LY6G5B: variants seen among roughly 807,000 people sequenced by gnomAD.
LY6G5B encodes the protein lymphocyte antigen 6 complex locus protein G5b.
Under a neutral mutation model 6.7 loss-of-function variants are expected in LY6G5B, and 6 were observed. That is an observed-to-expected ratio of 0.89 (90% confidence interval 0.49 to 1.76). LY6G5B has a LOEUF of 1.76. LY6G5B is among the 40% of genes most tolerant of loss of function. LY6G5B has a pLI of 0.01. For synonymous variants in LY6G5B, 98 were observed against 99.4 expected, an observed-to-expected ratio of 0.99 and a Z score of 0.09; for missense variants, 240 against 249.5, an observed-to-expected ratio of 0.96 and a Z score of 0.26.
chr6:31,670,832 A>G, exon 1 of LY6G5B: 1 of 1,001,640 alleles, frequency 1.0e-6, no homozygotes, highest in Non-Finnish European at 1.5e-6. Flanking sequence ...CATTTACAGC[A>G]GCTCCTGCTC....
At chr6:31,671,962 G>T in exon 3 of LY6G5B, 2 of 1,613,046 alleles carry the variant, frequency 1.2e-6, no homozygotes, top group Non-Finnish European at 1.7e-6. Context: ...CTGGTATCAG[G>T]CCCAGTGCTG....
rs761707436 is a variant in LY6G5B, at chr6:31,671,154, A to T, written c.59-2A>T. The T allele has an allele frequency of 6.2e-7, 1 of 1,613,894 alleles. No individual in the cohort carries two copies. The highest frequency in any genetic ancestry group is 8.5e-7 in the Non-Finnish European group (1 of 1,179,984). Reference sequence around the variant, plus strand: ...CCTCCATCCCTCCTTCTGCCTCCCCAGTTCCTGTTCCCGACATCCGGACGT... The same window carrying T: ...CCTCCATCCCTCCTTCTGCCTCCCCTGTTCCTGTTCCCGACATCCGGACGT... On this transcript the variant is annotated splice_acceptor_variant, in intron 1 of 2. Coordinates refer to ENST00000375864, the Ensembl canonical transcript of LY6G5B. LOFTEE classifies it high-confidence loss of function.
chr6:31,671,382 G>A, intron 2 of LY6G5B, 98 bp downstream of exon 2: 1 of 1,556,710 alleles, frequency 6.4e-7, no homozygotes, highest in Non-Finnish European at 8.7e-7. Context: ...TGGGGTACAA[G>A]AAGAGAGGAG....
At chr6:31,671,715 G>A (rs1204910681) in intron 2 of LY6G5B, 149 bp from the exon 3 acceptor site, 4 of 901,898 alleles carry the variant, frequency 4.4e-6, no homozygotes, top group African/African-American at 3.3e-5. Context: ...GTTCTAGGGG[G>A]CCAGCAGAGC....
Position 31,672,382 on chromosome 6 carries a change from C to G in LY6G5B, c.*100C>G, listed in dbSNP as rs1583622469. On this transcript the variant is annotated 3_prime_UTR_variant, in exon 3 of 3. Coordinates refer to ENST00000375864, the Ensembl canonical transcript of LY6G5B. ...TTGGTCACTGTGATTTCTTAGGCCT[C>G]CGTCTGTTGTACCACTAGCATCTAT... 20 of 1,272,282 alleles carry G rather than the reference C, an allele frequency of 1.6e-5. 1 individual carries two copies. Among genetic ancestry groups the G allele is most frequent in the African/African-American group, 1.3e-4 (9 of 67,032 alleles). The allele number at this position is 1,272,282 out of a possible 1,614,324, so 78.8% of individuals were successfully genotyped here.
chr6:31,672,712 G>C (rs566903392), exon 3 of LY6G5B: 1 of 177,842 alleles, frequency 5.6e-6, no homozygotes, highest in Non-Finnish European at 1.2e-5. Context: ...CCAAAGTGCC[G>C]GGATTACAGG....
At chr6:31,671,719 G>T in intron 2 of LY6G5B, 145 bp from the exon 3 acceptor site, 1 of 956,544 alleles carries the variant, frequency 1.0e-6, no homozygotes, top group Non-Finnish European at 1.5e-6. Flanking sequence ...TAGGGGGCCA[G>T]CAGAGCTCAC....
chr6:31,670,282 T>G lies in LY6G5B; in HGVS notation c.-669T>G, dbSNP rs1488150079. 1 of 272,478 alleles carries G rather than the reference T, an allele frequency of 3.7e-6. No homozygotes were observed. Among genetic ancestry groups the G allele is most frequent in the Non-Finnish European group, 6.9e-6 (1 of 145,236 alleles). The allele number at this position is 272,478 out of a possible 1,614,324, so 16.9% of individuals were successfully genotyped here. On this transcript the variant is annotated 5_prime_UTR_variant, in exon 1 of 3. In the 5' UTR this introduces an upstream ATG that the reference lacks. Transcript: ENST00000375864. ...GTCAAAAGGAAAAGACAAAGCATAT[T>G]TCAAAGATGAGAAATATTTGTTTGG...
chr6:31,673,132 G>A (rs1310930128), exon 3 of LY6G5B: 1 of 152,172 alleles, frequency 6.6e-6, no homozygotes, highest in Non-Finnish European at 1.5e-5. Flanking sequence ...TGGGTGTGGT[G>A]GCACACCTCT....
exon 1 of LY6G5B, chr6:31,670,345 A>G (rs1479504526): frequency 5.4e-6 from 1 of 185,340 alleles, no homozygotes; most frequent in Non-Finnish European, 1.1e-5. Flanking sequence ...AAGGGGCTTA[A>G]TCAGCAGCTC....
At chr6:31,672,697 A>C in exon 3 of LY6G5B, 2 of 173,364 alleles carry the variant, frequency 1.2e-5, no homozygotes, top group Non-Finnish European at 2.4e-5. Context: ...GCCCTCCTCG[A>C]CCTCCCAAAG....
In LY6G5B at chr6:31,672,055, CCT is replaced by C; in HGVS notation, c.382_383del (p.Leu128ValfsTer2). On this transcript the variant is annotated frameshift_variant, in exon 3 of 3. Transcript: ENST00000375864. LOFTEE classifies it low-confidence loss of function (END_TRUNC). ...GCCCCATGACAGGCCCCTGGCCCTG[CCT>C]CTGTCTGACTCCCAGATTCAGTGGT... 6.2e-7 allele frequency: 1 copy of C among 1,613,108 alleles called. No individual in the cohort carries two copies. The highest frequency in any genetic ancestry group is 8.5e-7 in the Non-Finnish European group (1 of 1,180,034).
chr6:31,671,941 T>C, exon 3 of LY6G5B: 1 of 1,613,096 alleles, frequency 6.2e-7, no homozygotes, highest in Non-Finnish European at 8.5e-7. Context: ...CAACACCTAC[T>C]TTGCAGAGTA....
chr6:31,671,395 G>A, intron 2 of LY6G5B, 111 bp downstream of exon 2: 1 of 1,498,772 alleles, frequency 6.7e-7, no homozygotes, highest in East Asian at 2.3e-5. Context: ...GAGAGGAGGG[G>A]CTGAGTGCAA....
exon 3 of LY6G5B, chr6:31,672,362 C>T: frequency 6.9e-7 from 1 of 1,453,898 alleles, no homozygotes; most frequent in Non-Finnish European, 9.3e-7. Context: ...ATTCTTTGGT[C>T]ACTGTGATTT....
chr6:31,671,349 A>G, intron 2 of LY6G5B, 65 bp downstream of exon 2: 1 of 1,606,590 alleles, frequency 6.2e-7, no homozygotes, highest in South Asian at 1.1e-5. Flanking sequence ...CTCTCCTCTC[A>G]CAGATCAGGG....
rs141943810 is a variant in LY6G5B at position 31,671,193 on chromosome 6, C to T, written c.96C>T (p.Leu32=). The change falls in exon 2 of 3, where the codon CTC becomes CTT. Residue 32 remains leucine, a synonymous_variant. Coordinates refer to ENST00000375864, the Ensembl canonical transcript of LY6G5B. ...ACATCCGGACGTGCCACTTCTGCCT[C>T]GTAGAAGACCCTTCTGTAGGATGCA... 9.4e-4 allele frequency: 1,510 copies of T among 1,613,968 alleles called. 26 individuals carry two copies. In the East Asian group the frequency reaches 0.032, roughly 34 times the overall value.
chr6:31,670,984 A>T (rs755765858), exon 1 of LY6G5B: 4 of 1,612,436 alleles, frequency 2.5e-6, no homozygotes, highest in Non-Finnish European at 2.5e-6. Context: ...TGTGCTGGTC[A>T]TGGTGGGCTT....
chr6:31,671,810 C>T, intron 2 of LY6G5B, 54 bp from the exon 3 acceptor site: 1 of 1,550,744 alleles, frequency 6.4e-7, no homozygotes, highest in Non-Finnish European at 8.7e-7. Flanking sequence ...AGCAGGGGTT[C>T]TTGGACTATG....
Sources: allele counts gnomAD v4.1 joint callset, GRCh38; gene constraint gnomAD v4.1.1; transcripts MANE v1.5; gene names NCBI Gene and HGNC (gene_info 2026-07-23, HGNC 2026-07-21).